ATP2B2: variants seen among roughly 807,000 people sequenced by gnomAD.
ATP2B2 encodes plasma membrane calcium-transporting ATPase 2.
In ATP2B2, 15 loss-of-function variants were observed where a neutral mutation model predicts 120.0. The observed-to-expected ratio is 0.12, with a 90% CI of 0.08 to 0.19. The LOEUF (loss-of-function observed/expected upper bound fraction) is 0.19, where lower values mean the gene tolerates loss of function less well. ATP2B2 is among the 10% of genes least tolerant of loss of function. The probability of loss-of-function intolerance (pLI) is 1.00; values close to 1 mark genes in which losing one functional copy is unlikely to be tolerated. For synonymous variants in ATP2B2, 694 were observed against 700.3 expected (o/e 0.99, Z 0.14); for missense variants, 1,045 against 1,719.8 (o/e 0.61, Z 6.94).
chr3:10,564,367 C>T (rs761449410), intron 2 of ATP2B2, among the ~76,000 whole-genome samples: 4 of 152,080 alleles, frequency 2.6e-5, no homozygotes, highest in Non-Finnish European at 4.4e-5. Context: ...TGGCTCCCTG[C>T]CCCTCCATCC....
chr3:10,489,950 G>A (rs765516765), intron 1 of ATP2B2, among the ~76,000 whole-genome samples: 15 of 152,236 alleles, frequency 9.9e-5, no homozygotes, highest in South Asian at 6.2e-4. Context: ...GGTGCCTTCT[G>A]CCCTGCACTA....
chr3:10,478,973 G>C (rs115971659), intron 1 of ATP2B2, among the ~76,000 whole-genome samples: 1 of 152,052 alleles, frequency 6.6e-6, no homozygotes, highest in African/African-American at 2.4e-5. Flanking sequence ...CCCTTTGGGC[G>C]CTCTCTCTCT....
rs879493524 is a variant in ATP2B2, at chr3:10,512,498, A to G, written c.-320+21541T>C. On this transcript the variant is annotated intron_variant, in intron 3 of 21. Coordinates refer to the ATP2B2 transcript ENST00000646379. ...CACACACACACACACACACACACAC[A>G]CACACACACACACACACACTGTCTG... 2.0e-4 allele frequency among the ~76,000 whole-genome samples: 30 copies of G among 151,856 alleles called. 1 individual carries two copies. The highest frequency in any genetic ancestry group is 1.3e-3 in the South Asian group (6 of 4,786).
chr3:10,698,159 T>C (rs1053789472), intron 1 of ATP2B2, among the ~76,000 whole-genome samples: 3 of 152,218 alleles, frequency 2.0e-5, no homozygotes, highest in Non-Finnish European at 2.9e-5. Context: ...GGTTTAGGCA[T>C]GGCCACGTGA....
intron 1 of ATP2B2, among the ~76,000 whole-genome samples, chr3:10,466,983 G>A (rs889992407): frequency 6.6e-6 from 1 of 152,196 alleles, no homozygotes; most frequent in Non-Finnish European, 1.5e-5. Flanking sequence ...TGGTAATGAA[G>A]TCTGCCATTA....
At chr3:10,341,951 G>C (rs1262871987) in intron 19 of ATP2B2, among the ~76,000 whole-genome samples, 1 of 152,258 alleles carries the variant, frequency 6.6e-6, no homozygotes, top group Non-Finnish European at 1.5e-5. Context: ...TCTGGGCTTT[G>C]AGGACAAGTG....
chr3:10,611,245 C>T (rs11914642), intron 2 of ATP2B2, among the ~76,000 whole-genome samples: 11,214 of 152,186 alleles, frequency 0.074, 492 homozygotes, highest in African/African-American at 0.12. Flanking sequence ...GTCATAATTA[C>T]GCTCCCTGGC....
chr3:10,491,414 C>T (rs1423830291), intron 1 of ATP2B2, among the ~76,000 whole-genome samples: 18 of 152,010 alleles, frequency 1.2e-4, no homozygotes, highest in African/African-American at 4.1e-4. Context: ...TTAGTAGAGA[C>T]GGGGTTTCAC....
rs183156350 is a variant in ATP2B2 at position 10,461,034 on chromosome 3, T to C, written c.-319-11172A>G. 2.0e-3 allele frequency among the ~76,000 whole-genome samples: 307 copies of C among 152,286 alleles called. 3 individuals carry two copies. The highest frequency in any genetic ancestry group is 9.8e-4 in the Non-Finnish European group (67 of 68,026). On this transcript the variant is annotated intron_variant, in intron 1 of 22. Transcript: ENST00000360273. Reference sequence around the variant, plus strand: ...AAGCTAAGGCTTGGAGGAAAGTCTTTCTATGTGTTCCAAGAATGCGGATGC... The same window carrying C: ...AAGCTAAGGCTTGGAGGAAAGTCTTCCTATGTGTTCCAAGAATGCGGATGC...
chr3:10,617,112 A>G (rs6442184), intron 2 of ATP2B2, among the ~76,000 whole-genome samples: 90,956 of 152,018 alleles, frequency 0.6, 27,788 homozygotes, highest in Middle Eastern at 0.64. Context: ...ATTGTTTCCT[A>G]TTGTTAACTA....
chr3:10,493,583 A>G (rs548150256), intron 1 of ATP2B2, among the ~76,000 whole-genome samples: 1 of 152,280 alleles, frequency 6.6e-6, no homozygotes, highest in South Asian at 2.1e-4. Flanking sequence ...TATCTGATAT[A>G]TATTCTTAAA....
chr3:10,603,733 G>A (rs1049641068), intron 2 of ATP2B2, among the ~76,000 whole-genome samples: 2 of 152,096 alleles, frequency 1.3e-5, no homozygotes, highest in African/African-American at 4.8e-5. Flanking sequence ...ATGAATCAGA[G>A]CTGAGGTGTT....
intron 2 of ATP2B2, among the ~76,000 whole-genome samples, chr3:10,432,855 G>A (rs1422419348): frequency 2.0e-5 from 3 of 152,208 alleles, no homozygotes; most frequent in Non-Finnish European, 4.4e-5. Flanking sequence ...CGGTGGAGAG[G>A]TTGCTGTTGG....
At chr3:10,669,218 T>C (rs556393855) in intron 1 of ATP2B2, among the ~76,000 whole-genome samples, 179 of 152,294 alleles carry the variant, frequency 1.2e-3, no homozygotes, top group African/African-American at 4.0e-3. Context: ...AGGCAGGACA[T>C]GAATGGCGTC....
chr3:10,621,886 G>C (rs529539883), intron 1 of ATP2B2, among the ~76,000 whole-genome samples: 2 of 152,348 alleles, frequency 1.3e-5, no homozygotes, highest in African/African-American at 4.8e-5. Flanking sequence ...CGCTGACCAG[G>C]CTGTGCTCCC....
At chr3:10,535,361 A>ACTTGCATGCAG (rs1346161357) in intron 2 of ATP2B2, among the ~76,000 whole-genome samples, 3 of 151,672 alleles carry the variant, frequency 2.0e-5, no homozygotes, top group African/African-American at 7.3e-5. Flanking sequence ...CATACAATCT[A>ACTTGCATGCAG]CAGCGCTTGC....
At chr3:10,572,709 G>T in intron 2 of ATP2B2, among the ~76,000 whole-genome samples, 1 of 152,140 alleles carries the variant, frequency 6.6e-6, no homozygotes, top group East Asian at 1.9e-4. Flanking sequence ...CTCCAGGAAG[G>T]GGCAAACGCT....
chr3:10,485,747 G>A (rs1442862277), intron 1 of ATP2B2, among the ~76,000 whole-genome samples: 1 of 152,136 alleles, frequency 6.6e-6, no homozygotes, highest in Non-Finnish European at 1.5e-5. Flanking sequence ...TGCGGTGGGG[G>A]CTTCCTGGCT....
chr3:10,351,695 A>G (rs1317516188), intron 14 of ATP2B2, among the ~76,000 whole-genome samples: 1 of 152,230 alleles, frequency 6.6e-6, no homozygotes, highest in Non-Finnish European at 1.5e-5. Flanking sequence ...TGGTAAATCC[A>G]GCTAAAATGA....
Sources: gnomAD v4.1 joint callset for allele counts (sites outside exome capture counted in the v4.1 genomes callset) on GRCh38, gnomAD v4.1.1 for gene constraint, MANE v1.5 for transcripts, NCBI Gene and HGNC (gene_info 2026-07-23, HGNC 2026-07-21) for gene names.